TUSC3: variants seen among roughly 807,000 people sequenced by gnomAD.
The protein encoded by TUSC3 is dolichyl-diphosphooligosaccharide--protein glycosyltransferase subunit TUSC3.
A neutral mutation model predicts 44.8 loss-of-function variants in TUSC3; 45 were observed. The ratio of observed to expected loss-of-function variants is 1.00; its 90% confidence interval spans 0.79 to 1.29. The LOEUF (loss-of-function observed/expected upper bound fraction) is 1.29. Among genes scored for constraint, TUSC3 ranks in the 50% most tolerant of loss-of-function variants. The pLI is 0.00. For synonymous variants in TUSC3, 212 were observed against 152.9 expected (o/e 1.39, Z -2.85); for missense variants, 519 against 437.9 (o/e 1.19, Z -1.65).
chr8:15,737,097 T>C (rs2129211165), intron 7 of TUSC3, among the ~76,000 whole-genome samples: 1 of 152,296 alleles, frequency 6.6e-6, no homozygotes, highest in East Asian at 1.9e-4. Flanking sequence ...AAGAATATGA[T>C]TTTATTCGCA....
the TUSC3 span, among the ~76,000 whole-genome samples, chr8:15,776,997 C>T: frequency 5.9e-5 from 9 of 151,816 alleles, no homozygotes; most frequent in African/African-American, 2.2e-4. Flanking sequence ...GTAGTGGTGC[C>T]GTATCTCATG....
At chr8:15,518,813 C>A (rs1305695844) in intron 2 of TUSC3, among the ~76,000 whole-genome samples, 1 of 152,118 alleles carries the variant, frequency 6.6e-6, no homozygotes, top group African/African-American at 2.4e-5. Flanking sequence ...TAGAATTAAA[C>A]ACAAATTGTA....
chr8:15,659,742 C>T (rs1807336199), intron 4 of TUSC3, 95 bp downstream of exon 4: 2 of 1,519,082 alleles, frequency 1.3e-6, no homozygotes, highest in Non-Finnish European at 1.8e-6. Context: ...TTTAATTTCT[C>T]TATGGTTGTT....
chr8:15,504,578 G>GATAGATAT (rs1394077770), intron 2 of TUSC3, among the ~76,000 whole-genome samples: 1 of 33,462 alleles, frequency 3.0e-5, no homozygotes, highest in Middle Eastern at 0.042. Context: ...CAACTTTCAG[G>GATAGATAT]ATATATATAT....
intron 6 of TUSC3, among the ~76,000 whole-genome samples, chr8:15,724,381 A>G (rs112029540): frequency 3.3e-5 from 5 of 152,182 alleles, no homozygotes; most frequent in African/African-American, 7.2e-5. Context: ...GTCATTTTAT[A>G]TAGACATTGA....
the TUSC3 span, among the ~76,000 whole-genome samples, chr8:15,784,059 C>T: frequency 2.6e-5 from 4 of 152,012 alleles, no homozygotes; most frequent in South Asian, 8.3e-4. Flanking sequence ...AGACATTTCA[C>T]AAAAGAATAC....
chr8:15,676,931 C>T (rs1808216938), intron 6 of TUSC3, among the ~76,000 whole-genome samples: 1 of 152,148 alleles, frequency 6.6e-6, no homozygotes, highest in Non-Finnish European at 1.5e-5. Context: ...AGCTTAGGAT[C>T]ATGGTGACCT....
the TUSC3 span, among the ~76,000 whole-genome samples, chr8:15,809,068 A>T: frequency 6.6e-6 from 1 of 152,188 alleles, no homozygotes; most frequent in Non-Finnish European, 1.5e-5. Flanking sequence ...TTATTCAGAA[A>T]GCCAGCAAAC....
intron 5 of TUSC3, among the ~76,000 whole-genome samples, chr8:15,666,711 GC>G (rs1443204556): frequency 6.6e-6 from 1 of 151,204 alleles, no homozygotes; most frequent in Non-Finnish European, 1.5e-5. Flanking sequence ...AAAATGAGAA[GC>G]AAGTAATTTC....
At chr8:15,648,569 A>C (rs934400574) in intron 2 of TUSC3, among the ~76,000 whole-genome samples, 1 of 151,732 alleles carries the variant, frequency 6.6e-6, no homozygotes, top group African/African-American at 2.4e-5. Flanking sequence ...TACTAAAAAT[A>C]CAAAAAATTA....
intron 2 of TUSC3, among the ~76,000 whole-genome samples, chr8:15,534,642 T>TAA (rs1801496978): frequency 8.2e-6 from 1 of 122,596 alleles, no homozygotes. Context: ...GACTCGGTCT[T>TAA]TAAAAAAAAA....
the TUSC3 span, among the ~76,000 whole-genome samples, chr8:15,840,531 G>T: frequency 6.6e-6 from 1 of 152,192 alleles, no homozygotes; most frequent in Non-Finnish European, 1.5e-5. Context: ...ATTTTAAAAT[G>T]TCAATTTAGT....
chr8:15,610,049 CTA>C (rs752129985), intron 1 of TUSC3, among the ~76,000 whole-genome samples: 43 of 151,970 alleles, frequency 2.8e-4, no homozygotes, highest in Non-Finnish European at 5.2e-4. Flanking sequence ...GATCACATAA[CTA>C]TGTTTATATG....
intron 1 of TUSC3, among the ~76,000 whole-genome samples, chr8:15,419,427 G>T (rs926306528): frequency 6.6e-6 from 1 of 152,098 alleles, no homozygotes; most frequent in African/African-American, 2.4e-5. Context: ...TTTAGTCTTT[G>T]CTTCTTTGAG....
intron 1 of TUSC3, among the ~76,000 whole-genome samples, chr8:15,588,010 G>T (rs1210536848): frequency 2.6e-5 from 4 of 152,078 alleles, no homozygotes; most frequent in Admixed American, 1.3e-4. Flanking sequence ...GAATAGCATT[G>T]CAGTAAACAT....
chr8:15,685,024 G>A (rs1324891233), intron 6 of TUSC3, among the ~76,000 whole-genome samples: 1 of 152,210 alleles, frequency 6.6e-6, no homozygotes, highest in African/African-American at 2.4e-5. Context: ...CTAGCAGACA[G>A]CAGTAGCTAC....
At chr8:15,699,871 A>G (rs775652749) in intron 6 of TUSC3, among the ~76,000 whole-genome samples, 23 of 152,198 alleles carry the variant, frequency 1.5e-4, no homozygotes, top group Admixed American at 3.3e-4. Flanking sequence ...AACAAGTGCT[A>G]TAGAAGGAAG....
intron 1 of TUSC3, among the ~76,000 whole-genome samples, chr8:15,587,649 A>G (rs538627783): frequency 3.9e-5 from 6 of 152,198 alleles, no homozygotes; most frequent in South Asian, 2.1e-4. Flanking sequence ...TTACAGTGCT[A>G]TAGAACACTA....
chr8:15,597,439 T>G (rs554709018), intron 1 of TUSC3, among the ~76,000 whole-genome samples: 1 of 152,278 alleles, frequency 6.6e-6, no homozygotes, highest in African/African-American at 2.4e-5. Flanking sequence ...TATGCTTTGC[T>G]AATTTATTGA....
Sources: allele counts gnomAD v4.1 joint callset (sites outside exome capture counted in the v4.1 genomes callset), GRCh38; gene constraint gnomAD v4.1.1; transcripts MANE v1.5; gene names NCBI Gene and HGNC (gene_info 2026-07-23, HGNC 2026-07-21).